The following PCDHGB1 variants were observed in gnomAD, a reference collection of about 807,000 sequenced individuals.
The protein encoded by PCDHGB1 is protocadherin gamma subfamily B, 1.
Under a neutral mutation model 56.6 loss-of-function variants are expected in PCDHGB1, and 34 were observed. The observed-to-expected ratio is 0.60, with a 90% CI of 0.46 to 0.80. PCDHGB1 has a LOEUF of 0.80. Ranked by LOEUF, PCDHGB1 falls within the 30% of genes least tolerant of loss-of-function variation. The probability of loss-of-function intolerance (pLI) is 0.00; values close to 1 mark genes in which losing one functional copy is unlikely to be tolerated. For synonymous variants in PCDHGB1, 561 were observed against 505.9 expected, an observed-to-expected ratio of 1.11 and a Z score of -1.46; for missense variants, 1,278 against 1,204.6, an observed-to-expected ratio of 1.06 and a Z score of -0.90.
intron 1 of PCDHGB1, among the ~76,000 whole-genome samples, chr5:141,373,166 C>G (rs1478798062): frequency 6.6e-6 from 1 of 152,196 alleles, no homozygotes; most frequent in African/African-American, 2.4e-5. Context: ...TTAATGCAGT[C>G]AATCCTAAAA....
rs770685748 is a variant in PCDHGB1 at position 141,486,601 on chromosome 5, C to T, written c.2410-8206C>T. 9 of 1,613,558 alleles carry T rather than the reference C, an allele frequency of 5.6e-6. No homozygotes were observed. The highest frequency in any genetic ancestry group is 7.6e-6 in the Non-Finnish European group (9 of 1,180,024). On this transcript the variant is annotated intron_variant, in intron 1 of 3. Transcript: ENST00000523390. This position sits in a 1 kb window ranked among gnomAD's most constrained non-coding sequence, Gnocchi z 5.0. ...ATCGCCCAGGGGACCTGCTTTGCTC[C>T]CTTGCAGCCTCTGACCCAGACTCTG...
In PCDHGB1 at chr5:141,476,762, G is replaced by A. The variant is rs1338892879; in HGVS notation, c.2410-18045G>A. The A allele has an allele frequency of 6.2e-7, 1 of 1,613,848 alleles. No individual in the cohort carries two copies. ...GCCTAGTCTCCAGTTAGTGCTGACG[G>A]CGTTGGACGGAGGGACCCCAGCTCT... On this transcript the variant is annotated intron_variant, in intron 1 of 3. Coordinates refer to ENST00000523390, the MANE Select transcript of PCDHGB1 (RefSeq NM_018922.3). The surrounding 1 kb of genome is among the most constrained non-coding windows in gnomAD (Gnocchi z 7.6).
rs2099883775 is a variant in PCDHGB1 at position 141,511,415 on chromosome 5, A to G, written c.*242A>G. On this transcript the variant is annotated 3_prime_UTR_variant, in exon 4 of 4. Transcript: ENST00000523390. ...CCCCATCCAATCAACTGCTGTACCC[A>G]TGGGGGTAGTGGGGTTACTGTAGAC... 1.2e-6 allele frequency: 1 copy of G among 868,992 alleles called. No individual in the cohort carries two copies. The highest frequency in any genetic ancestry group is 2.9e-5 in the East Asian group (1 of 34,592). The allele number at this position is 868,992 out of a possible 1,614,324, so 53.8% of individuals were successfully genotyped here.
In PCDHGB1 at chr5:141,351,719, A is replaced by G. The variant is rs1758798899; in HGVS notation, c.1459A>G (p.Ile487Val). 6.2e-7 allele frequency: 1 copy of G among 1,613,794 alleles called. No homozygotes were observed. Among genetic ancestry groups the G allele is most frequent in the Non-Finnish European group, 8.5e-7 (1 of 1,179,898 alleles). Residue 487 changes from isoleucine (I) to valine (V), a missense_variant, in exon 1 of 4, where the codon ATT becomes GTT. Coordinates refer to ENST00000523390, the MANE Select transcript of PCDHGB1 (RefSeq NM_018922.3). ...ACCCAACGGCAGAGTCTCCTACTCTATTCTGGCCAGTGACCTGGAGCCGCG... is the reference window on the plus strand; with the variant it reads ...ACCCAACGGCAGAGTCTCCTACTCTGTTCTGGCCAGTGACCTGGAGCCGCG... ...LGPNGRVSYS[I>V]LASDLEPREL...
At chr5:141,403,590 C>A (rs770895828) in intron 1 of PCDHGB1, 7 of 1,613,866 alleles carry the variant, frequency 4.3e-6, no homozygotes, top group Non-Finnish European at 5.1e-6. Context: ...CTGGTCCTCA[C>A]GGCCTCGGAT....
chr5:141,360,072 C>G (rs1257402709), intron 1 of PCDHGB1: 3 of 1,473,362 alleles, frequency 2.0e-6, no homozygotes, highest in Non-Finnish European at 2.7e-6. Flanking sequence ...GACCTTAGCC[C>G]GGATTCTGCC....
At chr5:141,381,785 G>T (rs1349926565) in intron 1 of PCDHGB1, among the ~76,000 whole-genome samples, 1 of 149,782 alleles carries the variant, frequency 6.7e-6, no homozygotes, top group Non-Finnish European at 1.5e-5. Context: ...CAGGAACAAG[G>T]CAAGGCAATT....
chr5:141,393,110 C>T, intron 1 of PCDHGB1: 10 of 1,613,496 alleles, frequency 6.2e-6, no homozygotes, highest in Non-Finnish European at 8.5e-6. Flanking sequence ...GCGCTCAGAG[C>T]CCGCGGTGTC....
chr5:141,432,715 C>T lies in PCDHGB1; in HGVS notation c.2410-62092C>T. 1 of 1,613,996 alleles carries T rather than the reference C, an allele frequency of 6.2e-7. No individual in the cohort carries two copies. The highest frequency in any genetic ancestry group is 8.5e-7 in the Non-Finnish European group (1 of 1,179,970). ...TGGCCGTCCAGGACCACGGCCAGCC[C>T]CCTCTCTCCGCCACTGTCACGCTCA... On this transcript the variant is annotated intron_variant, in intron 1 of 3. Transcript: ENST00000523390. This position sits in a 1 kb window ranked among gnomAD's most constrained non-coding sequence, Gnocchi z 6.0.
At chr5:141,355,483 C>T (rs1759873944) in intron 1 of PCDHGB1, 1 of 1,614,050 alleles carries the variant, frequency 6.2e-7, no homozygotes, top group Non-Finnish European at 8.5e-7. Flanking sequence ...CAGGGAGGAG[C>T]TCTGCGACAG....
intron 1 of PCDHGB1, chr5:141,398,277 C>T: frequency 1.4e-6 from 2 of 1,407,866 alleles, no homozygotes; most frequent in Non-Finnish European, 1.9e-6. Flanking sequence ...TGGGGAACCT[C>T]GCCACGGACC....
At chr5:141,352,953 AC>A (rs1759152572) in intron 1 of PCDHGB1, among the ~76,000 whole-genome samples, 2 of 152,042 alleles carry the variant, frequency 1.3e-5, no homozygotes, top group Admixed American at 6.6e-5. Context: ...GTGCCACTGC[AC>A]TCCAGCCTGG....
At chr5:141,429,378 T>G (rs890583768) in intron 1 of PCDHGB1, among the ~76,000 whole-genome samples, 3 of 105,336 alleles carry the variant, frequency 2.8e-5, no homozygotes, top group African/African-American at 5.2e-5. Flanking sequence ...AGAAAATGTG[T>G]TTTTTTTTTA....
chr5:141,476,382 A>G lies in PCDHGB1; in HGVS notation c.2410-18425A>G, dbSNP rs777831089. ...CGGGAGACCGGAGAGATGTTTGTGA[A>G]CGACCGTCTGGATCGAGAGGAGCTG... On this transcript the variant is annotated intron_variant, in intron 1 of 3. Transcript: ENST00000523390. This position sits in a 1 kb window ranked among gnomAD's most constrained non-coding sequence, Gnocchi z 7.6. 3.7e-6 allele frequency: 6 copies of G among 1,613,866 alleles called. No individual in the cohort carries two copies. The East Asian group carries it at 1.3e-4, about 36-fold the overall frequency.
intron 1 of PCDHGB1, chr5:141,423,612 T>G: frequency 6.2e-7 from 1 of 1,611,004 alleles, no homozygotes; most frequent in Non-Finnish European, 8.5e-7. Flanking sequence ...TCTTGATAGC[T>G]GAAGACTCAG....
chr5:141,400,515 T>C lies in PCDHGB1; in HGVS notation c.2409+47846T>C, dbSNP rs367864769. On this transcript the variant is annotated intron_variant, in intron 1 of 3. Coordinates refer to ENST00000523390, the MANE Select transcript of PCDHGB1 (RefSeq NM_018922.3). ...GTAATTCCAGCGAGTCGACTTCCCATCCTGAGTTGGTGAGTTTCATTTATG... is the reference window on the plus strand; with the variant it reads ...GTAATTCCAGCGAGTCGACTTCCCACCCTGAGTTGGTGAGTTTCATTTATG... 2,129 of 1,613,988 alleles carry C rather than the reference T, an allele frequency of 1.3e-3. 41 individuals are homozygous for C. In the South Asian group the frequency reaches 0.02, roughly 15 times the overall value.
intron 1 of PCDHGB1, chr5:141,394,736 C>A: frequency 6.2e-7 from 1 of 1,613,456 alleles, no homozygotes; most frequent in Non-Finnish European, 8.5e-7. Flanking sequence ...TCAAGCAGAG[C>A]CTCGTGGTGG....
chr5:141,352,240 C>T lies in PCDHGB1; in HGVS notation c.1980C>T (p.Phe660=). The T allele has an allele frequency of 6.2e-7, 1 of 1,614,078 alleles. No homozygotes were observed. The highest frequency in any genetic ancestry group is 8.5e-7 in the Non-Finnish European group (1 of 1,179,904). The change falls in exon 1 of 4, where the codon TTC becomes TTT. Residue 660 remains phenylalanine (F), a synonymous_variant. Coordinates refer to ENST00000523390, the MANE Select transcript of PCDHGB1 (RefSeq NM_018922.3). The stretch of plus-strand genomic sequence containing the variant: ...CCACCGCCACGCTGCACCTAATCTT[C>T]GCGGATAGCCTGCAAGAGGTATTGC... The part of the protein sequence containing the change: ...LSATATLHLI[F]ADSLQEVLPD...
At chr5:141,474,892 A>G (rs1419975508) in intron 1 of PCDHGB1, among the ~76,000 whole-genome samples, 1 of 152,208 alleles carries the variant, frequency 6.6e-6, no homozygotes, top group Non-Finnish European at 1.5e-5. Context: ...TTAGAGGTTC[A>G]TTTCTTGTTC....
Sources: allele counts gnomAD v4.1 joint callset (sites outside exome capture counted in the v4.1 genomes callset), GRCh38; gene constraint gnomAD v4.1.1; non-coding constraint Gnocchi (gnomAD v3.1); transcripts MANE v1.5; gene names NCBI Gene and HGNC (gene_info 2026-07-23, HGNC 2026-07-21).